The following ZC3H13 variants were observed in gnomAD, a reference collection of about 807,000 sequenced individuals.
ZC3H13 encodes zinc finger CCCH domain-containing protein 13.
Under a neutral mutation model 204.1 loss-of-function variants are expected in ZC3H13, and 64 were observed. That is an observed-to-expected ratio of 0.31 (90% CI 0.26 to 0.39). The LOEUF is 0.39. Among genes scored for constraint, ZC3H13 ranks in the 10% least tolerant of loss-of-function variants. The pLI, the probability that ZC3H13 is intolerant of heterozygous loss-of-function variation, is 1.00. For missense variants in ZC3H13, 1,833 were observed against 2,082.7 expected (o/e 0.88, Z 2.33); for synonymous variants, 667 against 693.7 (o/e 0.96, Z 0.60).
chr13:46,035,469 T>C (rs1016560118), intron 4 of ZC3H13, among the ~76,000 whole-genome samples: 1 of 152,218 alleles, frequency 6.6e-6, no homozygotes, highest in Non-Finnish European at 1.5e-5. Flanking sequence ...TTTTTCCATA[T>C]AAAATGAAAA....
At chr13:46,046,761 T>C (rs922667330) in intron 1 of ZC3H13, among the ~76,000 whole-genome samples, 1 of 151,996 alleles carries the variant, frequency 6.6e-6, no homozygotes, top group African/African-American at 2.4e-5. Flanking sequence ...TCCAATGACA[T>C]AATTGGGTAA....
At chr13:45,973,433 T>C (rs991592272) in intron 12 of ZC3H13, among the ~76,000 whole-genome samples, 4 of 152,134 alleles carry the variant, frequency 2.6e-5, no homozygotes, top group South Asian at 2.1e-4. Context: ...TGTCTAACCA[T>C]GAAAAACCAG....
intron 4 of ZC3H13, among the ~76,000 whole-genome samples, chr13:46,027,469 A>G (rs2042614033): frequency 6.6e-6 from 1 of 152,216 alleles, no homozygotes; most frequent in East Asian, 1.9e-4. Context: ...AACTTACATG[A>G]AAAACGGCTG....
rs2040955184 is a variant in ZC3H13 at position 46,004,189 on chromosome 13, C to T, written c.747-853G>A. ...CATACATTCATGGGATATCCTATTA[C>T]AATATTTTGCAAAATTTTCAAATAT... is the stretch of plus-strand genomic sequence containing the variant. On this transcript the variant is annotated intron_variant, in intron 7 of 18. Transcript: ENST00000679008. 2.6e-5 allele frequency among the ~76,000 whole-genome samples: 4 copies of T among 151,618 alleles called. No homozygotes were observed. The South Asian group carries it at 8.3e-4, about 31-fold the overall frequency.
chr13:45,963,424 TTG>T, intron 17 of ZC3H13: 2 of 992,314 alleles, frequency 2.0e-6, no homozygotes, highest in Non-Finnish European at 2.4e-6. Context: ...ATTGGTTAAT[TTG>T]TTTTTTTTTT....
At chr13:45,970,494 A>G in intron 12 of ZC3H13, 29 bp from the exon 13 acceptor site, 1 of 1,597,912 alleles carries the variant, frequency 6.3e-7, no homozygotes, top group Non-Finnish European at 8.5e-7. Context: ...CACAATTTAT[A>G]AAATTCTAGG....
chr13:45,983,299 C>T (rs573562836), intron 10 of ZC3H13, among the ~76,000 whole-genome samples: 3 of 145,852 alleles, frequency 2.1e-5, no homozygotes, highest in South Asian at 4.4e-4. Context: ...TAATCCTTAA[C>T]ACAATAAAAA....
intron 5 of ZC3H13, among the ~76,000 whole-genome samples, chr13:46,015,750 T>C (rs2041871457): frequency 6.6e-6 from 1 of 152,118 alleles, no homozygotes; most frequent in African/African-American, 2.4e-5. Flanking sequence ...TTAGAATTTG[T>C]ACTTGCTCCT....
chr13:46,051,554 G>A (rs2044419912), intron 1 of ZC3H13, among the ~76,000 whole-genome samples: 1 of 152,076 alleles, frequency 6.6e-6, no homozygotes, highest in Non-Finnish European at 1.5e-5. Context: ...CCCGCTAACT[G>A]GCACCATATA....
chr13:46,027,761 T>G (rs1472547478), intron 4 of ZC3H13, among the ~76,000 whole-genome samples: 1 of 152,150 alleles, frequency 6.6e-6, no homozygotes, highest in Non-Finnish European at 1.5e-5. Context: ...TAGCTGTAAA[T>G]GTACATTGTA....
In ZC3H13 at chr13:46,045,083, T is replaced by A; in HGVS notation, c.118-19A>T. 1 of 1,559,468 alleles carries A rather than the reference T, an allele frequency of 6.4e-7. No homozygotes were observed. The highest frequency in any genetic ancestry group is 1.2e-5 in the South Asian group (1 of 84,062). On this transcript the variant is annotated intron_variant, in intron 2 of 18. Transcript: ENST00000679008. Reference sequence around the variant, plus strand: ...ACTGTGTCTAAGAGACAGATATTACTATGTAAATTTCATATTTATTTCTGG... The same window carrying A: ...ACTGTGTCTAAGAGACAGATATTACAATGTAAATTTCATATTTATTTCTGG...
intron 10 of ZC3H13, among the ~76,000 whole-genome samples, chr13:45,980,837 G>A (rs991676467): frequency 6.6e-6 from 1 of 152,100 alleles, no homozygotes; most frequent in African/African-American, 2.4e-5. Flanking sequence ...CTATGGAAAT[G>A]GGCTACACAT....
At chr13:46,006,332 A>G (rs114181562) in intron 7 of ZC3H13, among the ~76,000 whole-genome samples, 2,140 of 152,068 alleles carry the variant, frequency 0.014, 45 homozygotes, top group African/African-American at 0.048. Flanking sequence ...TTGATTAATA[A>G]AACTCCAGTC....
intron 18 of ZC3H13, among the ~76,000 whole-genome samples, chr13:45,958,058 C>T (rs1396343545): frequency 6.6e-6 from 1 of 152,152 alleles, no homozygotes; most frequent in Non-Finnish European, 1.5e-5. Flanking sequence ...TGTAGTGATT[C>T]TGTCAAAAGT....
intron 18 of ZC3H13, 58 bp from the exon 19 acceptor site, chr13:45,957,355 A>G: frequency 7.4e-7 from 1 of 1,360,318 alleles, no homozygotes; most frequent in Non-Finnish European, 9.6e-7. Flanking sequence ...AGTAGGAAAG[A>G]TGGGCAGGTT....
At chr13:46,043,827 A>C (rs1349037103) in intron 3 of ZC3H13, among the ~76,000 whole-genome samples, 1 of 152,032 alleles carries the variant, frequency 6.6e-6, no homozygotes, top group Non-Finnish European at 1.5e-5. Context: ...GATTTCTTGA[A>C]TAAAAATTCT....
chr13:46,013,957 A>G (rs1378389376), intron 5 of ZC3H13, among the ~76,000 whole-genome samples: 1 of 152,176 alleles, frequency 6.6e-6, no homozygotes, highest in Non-Finnish European at 1.5e-5. Flanking sequence ...AGAAATGAAG[A>G]AAGTATACAC....
chr13:45,998,197 TA>T lies in ZC3H13; in HGVS notation c.944+4941del, dbSNP rs920587030. Among the ~76,000 whole-genome samples the T allele has an allele frequency of 5.3e-5, 8 of 152,280 alleles. No homozygotes were observed. The East Asian group carries it at 1.5e-3, about 29-fold the overall frequency. Reference sequence around the variant, plus strand: ...CAAAGATACTGTTTAGTTTTAAAATTAATACAGGTACACCTCAGAAACATAG... The same window carrying T: ...CAAAGATACTGTTTAGTTTTAAAATTATACAGGTACACCTCAGAAACATAG... On this transcript the variant is annotated intron_variant, in intron 8 of 18. Transcript: ENST00000679008.
intron 4 of ZC3H13, among the ~76,000 whole-genome samples, chr13:46,035,643 T>A (rs2043165299): frequency 6.6e-6 from 1 of 152,238 alleles, no homozygotes; most frequent in Non-Finnish European, 1.5e-5. Context: ...TATTTACCCC[T>A]ACAGTGATCA....
Sources: gnomAD v4.1 joint callset for allele counts (sites outside exome capture counted in the v4.1 genomes callset) on GRCh38, gnomAD v4.1.1 for gene constraint, MANE v1.5 for transcripts, NCBI Gene and HGNC (gene_info 2026-07-23, HGNC 2026-07-21) for gene names.